The following JAZF1 variants were observed in gnomAD, a reference collection of about 807,000 sequenced individuals.
JAZF1 encodes the protein JAZF zinc finger 1.
In JAZF1, 8 loss-of-function variants were observed where a neutral mutation model predicts 26.4. The observed-to-expected ratio is 0.30, with a 90% CI of 0.18 to 0.55. JAZF1 has a LOEUF of 0.55. Ranked by LOEUF, JAZF1 falls within the 20% of genes least tolerant of loss-of-function variation. The pLI is 0.94. For missense variants in JAZF1, 199 were observed against 322.0 expected (o/e 0.62, Z 2.92); for synonymous variants, 126 against 122.3 (o/e 1.03, Z -0.20).
intron 3 of JAZF1, among the ~76,000 whole-genome samples, chr7:27,845,862 G>A (rs1583427035): frequency 6.6e-6 from 1 of 152,022 alleles, no homozygotes; most frequent in South Asian, 2.1e-4. Context: ...ACCGTGGCCT[G>A]CACCCATTCA....
intron 1 of JAZF1, among the ~76,000 whole-genome samples, chr7:28,020,981 G>A (rs777361109): frequency 5.3e-5 from 8 of 152,086 alleles, no homozygotes; most frequent in Admixed American, 6.6e-5. Flanking sequence ...ACCATACCCC[G>A]GAGCTACTCA....
chr7:28,178,001 T>C (rs975150767), intron 1 of JAZF1, among the ~76,000 whole-genome samples: 2 of 152,228 alleles, frequency 1.3e-5, no homozygotes, highest in Non-Finnish European at 2.9e-5. Context: ...TTGCAAGTGT[T>C]TGTTCATTTT....
chr7:28,151,883 T>C (rs1347107758), intron 1 of JAZF1, among the ~76,000 whole-genome samples: 2 of 152,182 alleles, frequency 1.3e-5, no homozygotes, highest in African/African-American at 2.4e-5. Flanking sequence ...CCAATTGTCA[T>C]AAATTGCCAC....
Position 27,898,665 on chromosome 7 carries a change from A to G in JAZF1, c.189-3249T>C, listed in dbSNP as rs542886611. Among the ~76,000 whole-genome samples the G allele has an allele frequency of 2.6e-5, 4 of 152,226 alleles. No individual in the cohort carries two copies. In the South Asian group the frequency reaches 6.2e-4, roughly 24 times the overall value. Reference sequence around the variant, plus strand: ...TAAACAACCATAACAACATTCACACACACAAACCCCACCTTCACCCTCACA... The same window carrying G: ...TAAACAACCATAACAACATTCACACGCACAAACCCCACCTTCACCCTCACA... On this transcript the variant is annotated intron_variant, in intron 2 of 4. Coordinates refer to ENST00000283928, the MANE Select transcript of JAZF1 (RefSeq NM_175061.4).
intron 3 of JAZF1, among the ~76,000 whole-genome samples, chr7:27,853,469 C>T (rs1278835673): frequency 2.6e-5 from 4 of 152,080 alleles, no homozygotes; most frequent in Admixed American, 1.3e-4. Context: ...GGCCCTGCGA[C>T]GGGAGGGTGT....
chr7:28,135,081 A>G (rs751934744), intron 1 of JAZF1, among the ~76,000 whole-genome samples: 2 of 152,242 alleles, frequency 1.3e-5, no homozygotes, highest in African/African-American at 4.8e-5. Context: ...TAGGGAAGCT[A>G]TATTTTCCTT....
intron 2 of JAZF1, among the ~76,000 whole-genome samples, chr7:27,977,090 A>C (rs1320884019): frequency 6.6e-6 from 1 of 152,192 alleles, no homozygotes; most frequent in African/African-American, 2.4e-5. Flanking sequence ...CTTAAATCCA[A>C]CATCTGGGCT....
chr7:27,908,428 T>C (rs1038812882), intron 2 of JAZF1, among the ~76,000 whole-genome samples: 1 of 152,172 alleles, frequency 6.6e-6, no homozygotes, highest in African/African-American at 2.4e-5. Flanking sequence ...TCAAGTCTCA[T>C]GGGTTTTGGG....
At chr7:27,883,008 A>G (rs919140832) in intron 3 of JAZF1, among the ~76,000 whole-genome samples, 2 of 152,126 alleles carry the variant, frequency 1.3e-5, no homozygotes, top group African/African-American at 4.8e-5. Context: ...GGCTTACAAT[A>G]TGTTGCTCTC....
Position 28,012,848 on chromosome 7 carries a change from A to G in JAZF1, c.116-20867T>C, listed in dbSNP as rs1191314736. 2.0e-5 allele frequency among the ~76,000 whole-genome samples: 3 copies of G among 152,332 alleles called. No individual in the cohort carries two copies. The East Asian group carries it at 5.8e-4, about 29-fold the overall frequency. On this transcript the variant is annotated intron_variant, in intron 1 of 4. Transcript: ENST00000283928. The stretch of plus-strand genomic sequence containing the variant: ...ATTTTAAAGTCACTTGTGGATCTGT[A>G]TTTAAACCACGTTTTTTATCTTTCT...
chr7:27,957,601 T>C (rs1177462483), intron 2 of JAZF1, among the ~76,000 whole-genome samples: 4 of 152,210 alleles, frequency 2.6e-5, no homozygotes, highest in African/African-American at 7.2e-5. Flanking sequence ...CCCAGTTCCA[T>C]TGATGTAACA....
intron 4 of JAZF1, among the ~76,000 whole-genome samples, chr7:27,836,440 C>T (rs1782815593): frequency 1.3e-5 from 2 of 152,126 alleles, no homozygotes; most frequent in Admixed American, 1.3e-4. Context: ...GCCTGAAGTC[C>T]AGATGCTGAG....
intron 1 of JAZF1, among the ~76,000 whole-genome samples, chr7:28,055,243 T>C (rs574831553): frequency 2.1e-4 from 32 of 152,064 alleles, no homozygotes; most frequent in Non-Finnish European, 3.5e-4. Flanking sequence ...CCTTTTTGCA[T>C]CACTAACACA....
intron 1 of JAZF1, among the ~76,000 whole-genome samples, chr7:28,031,751 G>A (rs1162776341): frequency 6.6e-6 from 1 of 152,150 alleles, no homozygotes; most frequent in Non-Finnish European, 1.5e-5. Context: ...GGAAGGGAAA[G>A]CATCAGGAAA....
intron 3 of JAZF1, among the ~76,000 whole-genome samples, chr7:27,883,350 T>G (rs1204925516): frequency 6.6e-6 from 1 of 152,246 alleles, no homozygotes. Context: ...TGAGATTTCT[T>G]ATGGGAATTC....
At chr7:28,133,448 A>C (rs1052961198) in intron 1 of JAZF1, among the ~76,000 whole-genome samples, 3 of 152,202 alleles carry the variant, frequency 2.0e-5, no homozygotes, top group Admixed American at 6.5e-5. Context: ...TGATGACATA[A>C]ATTGTGTTTT....
intron 2 of JAZF1, among the ~76,000 whole-genome samples, chr7:27,938,929 C>T (rs1424961496): frequency 2.0e-5 from 3 of 152,106 alleles, no homozygotes; most frequent in African/African-American, 7.2e-5. Context: ...ATGTGAGCCA[C>T]CATGGCTGGC....
intron 1 of JAZF1, among the ~76,000 whole-genome samples, chr7:28,023,617 AC>A (rs1267979006): frequency 2.0e-5 from 3 of 152,220 alleles, no homozygotes; most frequent in Non-Finnish European, 4.4e-5. Context: ...TTCCTGCTTA[AC>A]CTGTATTCAT....
At chr7:28,120,571 G>C (rs938497950) in intron 1 of JAZF1, among the ~76,000 whole-genome samples, 3 of 139,902 alleles carry the variant, frequency 2.1e-5, no homozygotes, top group East Asian at 4.4e-4. Flanking sequence ...GCAATGGCGC[G>C]ATCTTGGCTC....
Sources: allele counts gnomAD v4.1 joint callset (sites outside exome capture counted in the v4.1 genomes callset), GRCh38; gene constraint gnomAD v4.1.1; transcripts MANE v1.5; gene names NCBI Gene and HGNC (gene_info 2026-07-23, HGNC 2026-07-21).